Variants in NELL1 observed in about 807,000 individuals in gnomAD.
The protein encoded by NELL1 is protein kinase C-binding protein NELL1.
Under a neutral mutation model 107.4 loss-of-function variants are expected in NELL1, and 76 were observed. The ratio of observed to expected loss-of-function variants is 0.71; its 90% confidence interval spans 0.59 to 0.86. NELL1 has a LOEUF of 0.86. Ranked by LOEUF, NELL1 falls within the 40% of genes least tolerant of loss-of-function variation. The pLI is 0.00. For missense variants in NELL1, 1,024 were observed against 1,005.5 expected (o/e 1.02, Z -0.25); for synonymous variants, 353 against 341.2 (o/e 1.03, Z -0.38).
At position 20,976,086 on chromosome 11, in the gene NELL1, T is replaced by C. The variant is rs188560738; in HGVS notation, c.1300+15526T>C. Among the ~76,000 whole-genome samples, 299 of 145,438 alleles carry C rather than the reference T, an allele frequency of 2.1e-3. 6 individuals are homozygous for C. The highest frequency in any genetic ancestry group is 7.0e-3 in the African/African-American group (276 of 39,570). ...TCTGTACATATATGTATTATATACA[T>C]TACATTTATATATACACATATCTGT... On this transcript the variant is annotated intron_variant, in intron 12 of 19. Transcript: ENST00000357134.
intron 15 of NELL1, among the ~76,000 whole-genome samples, chr11:21,511,033 G>C (rs1385164063): frequency 6.6e-6 from 1 of 152,076 alleles, no homozygotes. Flanking sequence ...CTCCTCATCT[G>C]TAAAATAAGG....
At chr11:21,498,362 TAC>T (rs943817172) in intron 15 of NELL1, among the ~76,000 whole-genome samples, 1 of 147,552 alleles carries the variant, frequency 6.8e-6, no homozygotes, top group African/African-American at 2.5e-5. Context: ...TATATATATA[TAC>T]AGACACACAT....
At chr11:21,338,174 C>T (rs527684002) in intron 14 of NELL1, among the ~76,000 whole-genome samples, 4 of 152,126 alleles carry the variant, frequency 2.6e-5, no homozygotes, top group South Asian at 2.1e-4. Flanking sequence ...AATAAAATGC[C>T]GGTGTCATGC....
At chr11:21,118,900 A>G (rs1392568303) in intron 13 of NELL1, among the ~76,000 whole-genome samples, 1 of 152,116 alleles carries the variant, frequency 6.6e-6, no homozygotes, top group Admixed American at 6.6e-5. Context: ...CTAAAGTTAA[A>G]GAAGATATAT....
chr11:21,012,195 C>A (rs1852462056), intron 12 of NELL1, among the ~76,000 whole-genome samples: 1 of 152,126 alleles, frequency 6.6e-6, no homozygotes, highest in Non-Finnish European at 1.5e-5. Flanking sequence ...TCTGCTCCAT[C>A]CAGAATGCTC....
chr11:21,133,336 G>T (rs1455156359), intron 13 of NELL1, among the ~76,000 whole-genome samples: 1 of 152,160 alleles, frequency 6.6e-6, no homozygotes, highest in African/African-American at 2.4e-5. Flanking sequence ...TTTCATTCCA[G>T]TTGGCAGAAC....
chr11:21,127,033 C>T (rs1205532685), intron 13 of NELL1, among the ~76,000 whole-genome samples: 1 of 152,134 alleles, frequency 6.6e-6, no homozygotes, highest in Non-Finnish European at 1.5e-5. Context: ...AAACTGCAAA[C>T]ACTTTTTGGC....
At chr11:20,692,708 A>G (rs1041158846) in intron 2 of NELL1, among the ~76,000 whole-genome samples, 1 of 151,976 alleles carries the variant, frequency 6.6e-6, no homozygotes, top group Non-Finnish European at 1.5e-5. Flanking sequence ...ACTTCCAACT[A>G]TGTGGTCAAT....
intron 14 of NELL1, among the ~76,000 whole-genome samples, chr11:21,241,201 T>C (rs1484540490): frequency 6.6e-6 from 1 of 152,098 alleles, no homozygotes; most frequent in Non-Finnish European, 1.5e-5. Context: ...ATTACTGAAA[T>C]ATTTCATTGT....
chr11:21,002,634 C>A (rs1034131432), intron 12 of NELL1, among the ~76,000 whole-genome samples: 3 of 152,130 alleles, frequency 2.0e-5, no homozygotes, highest in Admixed American at 2.0e-4. Flanking sequence ...CCTGCTCCAT[C>A]CAAAAAATAT....
intron 14 of NELL1, among the ~76,000 whole-genome samples, chr11:21,357,788 T>A (rs1191492984): frequency 6.6e-6 from 1 of 152,246 alleles, no homozygotes; most frequent in East Asian, 1.9e-4. Context: ...GTCTTAGCTT[T>A]AAGTCTTTGA....
chr11:21,232,151 A>AT (rs746628290), intron 14 of NELL1, among the ~76,000 whole-genome samples: 25,902 of 57,574 alleles, frequency 0.45, 2,861 homozygotes, highest in East Asian at 0.55. Context: ...AAAAAATAAA[A>AT]AAAAAAAAAT....
At chr11:20,674,605 G>A in intron 1 of NELL1, 1 of 1,249,086 alleles carries the variant, frequency 8.0e-7, no homozygotes, top group South Asian at 1.3e-5. Flanking sequence ...TATGGATGAG[G>A]AAACTGAGGC....
intron 12 of NELL1, among the ~76,000 whole-genome samples, chr11:20,987,474 C>T (rs921198885): frequency 6.6e-5 from 10 of 152,130 alleles, no homozygotes; most frequent in African/African-American, 2.4e-4. Context: ...AGGAAACTTA[C>T]AATCATGATG....
intron 13 of NELL1, among the ~76,000 whole-genome samples, chr11:21,155,188 T>C (rs538759968): frequency 6.6e-5 from 10 of 152,256 alleles, no homozygotes; most frequent in Admixed American, 4.6e-4. Flanking sequence ...GGGTGGATGA[T>C]GGTATTACTA....
chr11:20,901,561 AT>A (rs11375119), intron 5 of NELL1, among the ~76,000 whole-genome samples: 16 of 147,324 alleles, frequency 1.1e-4, no homozygotes, highest in South Asian at 2.2e-4. Context: ...TCCCAAGAGG[AT>A]TTTTTTTTTT....
rs143402467 is a variant in NELL1 at position 21,379,286 on chromosome 11, T to C, written c.1645+8338T>C. Among the ~76,000 whole-genome samples the C allele has an allele frequency of 5.4e-3, 825 of 152,204 alleles. 8 individuals carry two copies. The highest frequency in any genetic ancestry group is 0.019 in the African/African-American group (771 of 41,542). On this transcript the variant is annotated intron_variant, in intron 15 of 19. Coordinates refer to ENST00000357134, the MANE Select transcript of NELL1 (RefSeq NM_006157.5). ...AGTTGTAGGCTAGAACACAGTCTAG[T>C]ATAAAATAATTGGAAAAAATATGCT...
intron 15 of NELL1, among the ~76,000 whole-genome samples, chr11:21,409,221 C>T (rs1852308712): frequency 6.6e-6 from 1 of 152,040 alleles, no homozygotes; most frequent in East Asian, 1.9e-4. Flanking sequence ...GAAAATGTGG[C>T]ACATATACAC....
intron 1 of NELL1, 88 bp from the exon 2 acceptor site, chr11:20,677,844 T>C: frequency 2.0e-6 from 3 of 1,493,522 alleles, no homozygotes; most frequent in East Asian, 2.3e-5. Context: ...GGCTTCCTTG[T>C]ATTCCCTGCC....
Sources: allele counts gnomAD v4.1 joint callset (sites outside exome capture counted in the v4.1 genomes callset), GRCh38; gene constraint gnomAD v4.1.1; transcripts MANE v1.5; gene names NCBI Gene and HGNC (gene_info 2026-07-23, HGNC 2026-07-21).